The following SLC22A24 variants were observed in gnomAD, a reference collection of about 807,000 sequenced individuals.
The protein encoded by SLC22A24 is steroid transmembrane transporter SLC22A24.
SLC22A24 carries 53 observed loss-of-function variants against 49.8 expected under a neutral mutation model. The observed-to-expected ratio is 1.06, with a 90% CI of 0.85 to 1.34. The LOEUF is 1.34. SLC22A24 is among the 40% of genes most tolerant of loss of function. SLC22A24 has a pLI of 0.00. For synonymous variants in SLC22A24, 302 were observed against 256.4 expected (o/e 1.18, Z -1.70); for missense variants, 786 against 675.9 (o/e 1.16, Z -1.81).
chr11:63,116,319 T>C (rs934389232), intron 4 of SLC22A24: 6 of 224,072 alleles, frequency 2.7e-5, no homozygotes, highest in Admixed American at 2.6e-4. Flanking sequence ...GTGTTTGGTA[T>C]GGTTCTTGGA....
chr11:63,080,376 C>G (rs1203828742), intron 9 of SLC22A24, among the ~76,000 whole-genome samples: 1 of 152,148 alleles, frequency 6.6e-6, no homozygotes, highest in East Asian at 1.9e-4. Context: ...AACAAATTTG[C>G]CTAAATCTCA....
rs187881637 is a variant in SLC22A24, at chr11:63,113,179, T to C, written c.830+5733A>G. On this transcript the variant is annotated intron_variant, in intron 4 of 9. Transcript: ENST00000612278. ...ATATATATATACACATATATATACA[T>C]ATATATATACACATATATATATACA... Among the ~76,000 whole-genome samples, 12 of 4,634 alleles carry C rather than the reference T, an allele frequency of 2.6e-3. 2 individuals are homozygous for C. The highest frequency in any genetic ancestry group is 0.1 in the Middle Eastern group (1 of 10). The allele number at this position is 4,634 out of a possible 152,430, so 3.0% of individuals were successfully genotyped here.
Position 63,084,771 on chromosome 11 carries a change from G to A in SLC22A24, c.1071-1314C>T, listed in dbSNP as rs956719202. ...CATAACACATTTACGTAGAGAAAAAGTCAACAATATCTTCTTACCCTTCTT... is the reference window on the plus strand; with the variant it reads ...CATAACACATTTACGTAGAGAAAAAATCAACAATATCTTCTTACCCTTCTT... On this transcript the variant is annotated intron_variant, in intron 6 of 9. Transcript: ENST00000612278. Among the ~76,000 whole-genome samples, 8 of 152,210 alleles carry A rather than the reference G, an allele frequency of 5.3e-5. No homozygotes were observed. In the East Asian group the frequency reaches 1.5e-3, roughly 29 times the overall value.
At chr11:63,106,000 A>T (rs1328397895) in intron 4 of SLC22A24, among the ~76,000 whole-genome samples, 1 of 152,016 alleles carries the variant, frequency 6.6e-6, no homozygotes, top group Non-Finnish European at 1.5e-5. Flanking sequence ...TTACATATGT[A>T]TACATGTGCC....
Position 63,144,066 on chromosome 11 carries a change from A to T in SLC22A24, c.-287T>A, listed in dbSNP as rs907413695. 1 of 257,388 alleles carries T rather than the reference A, an allele frequency of 3.9e-6. No individual in the cohort carries two copies. The allele number at this position is 257,388 out of a possible 1,614,324, so 15.9% of individuals were successfully genotyped here. A position where few individuals can be genotyped will look rare whatever the true frequency, so the allele number is the denominator to read the frequency against. On this transcript the variant is annotated 5_prime_UTR_variant, in exon 1 of 10. Coordinates refer to ENST00000612278, the MANE Select transcript of SLC22A24 (RefSeq NM_001136506.2). ...CTGTTGACAACTGAATCTTCTTAAA[A>T]GACTACTCTGTGAAAGATCCTGATC...
chr11:63,100,417 A>T (rs1282284710), intron 5 of SLC22A24, among the ~76,000 whole-genome samples: 2 of 152,178 alleles, frequency 1.3e-5, no homozygotes, highest in African/African-American at 4.8e-5. Flanking sequence ...GAAATCGAAG[A>T]GAACACACAA....
At position 63,079,966 on chromosome 11, in the gene SLC22A24, T is replaced by C; in HGVS notation, c.1633A>G (p.Thr545Ala). The C allele has an allele frequency of 1.3e-6, 2 of 1,546,850 alleles. No homozygotes were observed. The highest frequency in any genetic ancestry group is 1.8e-6 in the Non-Finnish European group (2 of 1,142,652). ...TAAAACTGTGTTACTTTCATGCAAG[T>C]ATCTTCCTGCTTTATGTTTCTTGAA... ...KDSRNIKQEDTCMKVTQF is the reference protein window; with the variant it reads ...KDSRNIKQEDACMKVTQF Residue 545 changes from threonine to alanine, a missense_variant, in exon 10 of 10, where the codon ACT becomes GCT. Coordinates refer to ENST00000612278, the MANE Select transcript of SLC22A24 (RefSeq NM_001136506.2).
intron 4 of SLC22A24, among the ~76,000 whole-genome samples, chr11:63,107,847 G>A (rs1262114381): frequency 6.6e-6 from 1 of 152,006 alleles, no homozygotes; most frequent in Non-Finnish European, 1.5e-5. Flanking sequence ...AGACAATGGG[G>A]TTTTCTAGAT....
At chr11:63,121,973 T>C (rs2087255667) in intron 2 of SLC22A24, among the ~76,000 whole-genome samples, 1 of 152,018 alleles carries the variant, frequency 6.6e-6, no homozygotes, top group Admixed American at 6.6e-5. Flanking sequence ...AAGATGGGAA[T>C]AGAAACAAAT....
intron 6 of SLC22A24, among the ~76,000 whole-genome samples, chr11:63,095,064 T>C (rs1055017758): frequency 3.3e-5 from 5 of 152,236 alleles, no homozygotes; most frequent in Admixed American, 6.5e-5. Flanking sequence ...CCCATGCGTA[T>C]GTCCTGAATG....
At chr11:63,111,601 T>G (rs1424085657) in intron 4 of SLC22A24, among the ~76,000 whole-genome samples, 1 of 151,550 alleles carries the variant, frequency 6.6e-6, no homozygotes, top group Non-Finnish European at 1.5e-5. Flanking sequence ...TCGAGGAATT[T>G]ATCCATTTCT....
At chr11:63,099,727 C>T (rs10897349) in intron 5 of SLC22A24, among the ~76,000 whole-genome samples, 80,851 of 151,586 alleles carry the variant, frequency 0.53, 21,585 homozygotes, top group African/African-American at 0.55. Flanking sequence ...CTGTTTTTCA[C>T]GGCCAGGCAG....
intron 4 of SLC22A24, among the ~76,000 whole-genome samples, chr11:63,113,011 CAA>C (rs869264212): frequency 0.014 from 168 of 12,016 alleles, 48 homozygotes; most frequent in East Asian, 0.047. Flanking sequence ...GACTCTGTCT[CAA>C]AAAAAAAAAA....
At chr11:63,135,642 AT>A (rs1427058310) in intron 1 of SLC22A24, among the ~76,000 whole-genome samples, 1 of 152,042 alleles carries the variant, frequency 6.6e-6, no homozygotes, top group African/African-American at 2.4e-5. Flanking sequence ...TTCTCGCTTT[AT>A]TTTTTTGCTA....
chr11:63,113,514 G>A (rs2087190186), intron 4 of SLC22A24, among the ~76,000 whole-genome samples: 1 of 151,896 alleles, frequency 6.6e-6, no homozygotes, highest in Non-Finnish European at 1.5e-5. Context: ...CACTTATGAA[G>A]CTTAGTTTGG....
intron 4 of SLC22A24, among the ~76,000 whole-genome samples, chr11:63,111,564 T>C (rs2087165051): frequency 2.0e-5 from 3 of 152,132 alleles, no homozygotes; most frequent in Admixed American, 2.0e-4. Flanking sequence ...AACTTCTTCC[T>C]GGTTTAGTCT....
At chr11:63,086,235 G>A (rs945625398) in intron 6 of SLC22A24, among the ~76,000 whole-genome samples, 4 of 152,166 alleles carry the variant, frequency 2.6e-5, no homozygotes, top group African/African-American at 9.7e-5. Flanking sequence ...ATGCATGTAT[G>A]TCTGTGTTCA....
chr11:63,114,634 G>A (rs187049875), intron 4 of SLC22A24, among the ~76,000 whole-genome samples: 74 of 152,252 alleles, frequency 4.9e-4, no homozygotes, highest in East Asian at 3.9e-4. Flanking sequence ...AGGAGAAGAG[G>A]CACTCTGGTT....
intron 6 of SLC22A24, among the ~76,000 whole-genome samples, chr11:63,094,340 A>G (rs1326504529): frequency 3.3e-5 from 5 of 152,080 alleles, no homozygotes; most frequent in East Asian, 3.8e-4. Flanking sequence ...ATAGTATTCT[A>G]TGGTGTATAT....
Sources: gnomAD v4.1 joint callset for allele counts (sites outside exome capture counted in the v4.1 genomes callset) on GRCh38, gnomAD v4.1.1 for gene constraint, MANE v1.5 for transcripts, NCBI Gene and HGNC (gene_info 2026-07-23, HGNC 2026-07-21) for gene names.